The following ITM2B variants were observed in gnomAD, a reference collection of about 807,000 sequenced individuals.
The protein encoded by ITM2B is ABri/ADan amyloid peptide.
ITM2B carries 11 observed loss-of-function variants against 27.8 expected under a neutral mutation model. That is an observed-to-expected ratio of 0.40 (90% CI 0.25 to 0.66). The LOEUF (loss-of-function observed/expected upper bound fraction) is 0.66. Among genes scored for constraint, ITM2B ranks in the 30% least tolerant of loss-of-function variants. The probability of loss-of-function intolerance (pLI) is 0.43; values close to 1 mark genes in which losing one functional copy is unlikely to be tolerated. For synonymous variants in ITM2B, 114 were observed against 114.3 expected, an observed-to-expected ratio of 1.00 and a Z score of 0.02; for missense variants, 296 against 328.9, an observed-to-expected ratio of 0.90 and a Z score of 0.77.
At chr13:48,242,152 G>A (rs187607567) in intron 1 of ITM2B, among the ~76,000 whole-genome samples, 1 of 152,088 alleles carries the variant, frequency 6.6e-6, no homozygotes, top group African/African-American at 2.4e-5. Context: ...TTGATATTTA[G>A]TGTTTTTTAT....
At chr13:48,245,936 C>T (rs1951722241) in intron 1 of ITM2B, among the ~76,000 whole-genome samples, 1 of 151,714 alleles carries the variant, frequency 6.6e-6, no homozygotes, top group Admixed American at 6.6e-5. Flanking sequence ...CTGCCACCAC[C>T]CCTGGCTAAT....
At chr13:48,241,724 A>G (rs1405217765) in intron 1 of ITM2B, among the ~76,000 whole-genome samples, 3 of 152,234 alleles carry the variant, frequency 2.0e-5, no homozygotes, top group Admixed American at 1.3e-4. Context: ...TGAATAGCTT[A>G]ATAGAAGATA....
intron 1 of ITM2B, among the ~76,000 whole-genome samples, chr13:48,238,795 T>G (rs1300412305): frequency 6.6e-6 from 1 of 152,192 alleles, no homozygotes; most frequent in Non-Finnish European, 1.5e-5. Flanking sequence ...TGTGTTTATT[T>G]GAATGATTAA....
At chr13:48,241,513 C>G (rs962519252) in intron 1 of ITM2B, among the ~76,000 whole-genome samples, 3 of 152,158 alleles carry the variant, frequency 2.0e-5, no homozygotes, top group Non-Finnish European at 2.9e-5. Flanking sequence ...ACCTGGCCCT[C>G]CATGTTTCTC....
At chr13:48,254,644 A>G (rs1951775007) in intron 2 of ITM2B, among the ~76,000 whole-genome samples, 1 of 152,154 alleles carries the variant, frequency 6.6e-6, no homozygotes, top group Non-Finnish European at 1.5e-5. Context: ...AGCTGTTTCA[A>G]AATTTGGAGA....
At chr13:48,242,049 A>G (rs1159141277) in intron 1 of ITM2B, among the ~76,000 whole-genome samples, 1 of 152,158 alleles carries the variant, frequency 6.6e-6, no homozygotes, top group African/African-American at 2.4e-5. Context: ...CCTATTGATA[A>G]TAGCTACATG....
At chr13:48,247,208 C>T (rs1165775418) in intron 1 of ITM2B, among the ~76,000 whole-genome samples, 2 of 152,058 alleles carry the variant, frequency 1.3e-5, no homozygotes, top group Non-Finnish European at 2.9e-5. Flanking sequence ...AGCATTATAC[C>T]AGCCAAACAA....
Position 48,262,389 on chromosome 13 carries a change from C to G in ITM2B, c.*1165C>G, listed in dbSNP as rs1951827965. ...GTCAGAGTTTTTAAAGCTTCCAACTCTTAAAGGATTTAGTCTAGAAACCAA... is the reference window on the plus strand; with the variant it reads ...GTCAGAGTTTTTAAAGCTTCCAACTGTTAAAGGATTTAGTCTAGAAACCAA... On this transcript the variant is annotated 3_prime_UTR_variant, in exon 6 of 6. Coordinates refer to ENST00000647800, the MANE Select transcript of ITM2B (RefSeq NM_021999.5). 6.6e-6 allele frequency: 1 copy of G among 152,112 alleles called. No homozygotes were observed. The highest frequency in any genetic ancestry group is 6.6e-5 in the Admixed American group (1 of 15,254). The allele number at this position is 152,112 out of a possible 1,614,324, so 9.4% of individuals were successfully genotyped here.
intron 1 of ITM2B, among the ~76,000 whole-genome samples, chr13:48,233,830 A>C (rs1177392914): frequency 3.9e-5 from 6 of 152,072 alleles, no homozygotes; most frequent in Non-Finnish European, 7.4e-5. Context: ...CAACAACAAC[A>C]ACCGAGTTTG....
chr13:48,258,716 G>T, intron 4 of ITM2B, 81 bp from the exon 5 acceptor site: 1 of 1,303,282 alleles, frequency 7.7e-7, no homozygotes, highest in Non-Finnish European at 1.1e-6. Flanking sequence ...ACCATAATGT[G>T]TAAGAATTTT....
intron 3 of ITM2B, among the ~76,000 whole-genome samples, chr13:48,257,897 T>C (rs1401606711): frequency 6.6e-6 from 1 of 152,220 alleles, no homozygotes; most frequent in Admixed American, 6.5e-5. Flanking sequence ...TTATTACTTA[T>C]TATAGAAATA....
intron 1 of ITM2B, among the ~76,000 whole-genome samples, chr13:48,236,487 C>T (rs1951669340): frequency 6.6e-6 from 1 of 150,888 alleles, no homozygotes; most frequent in South Asian, 2.1e-4. Context: ...AAGGATTCTT[C>T]CAGTTTCAAA....
At chr13:48,239,505 G>A (rs1216034287) in intron 1 of ITM2B, among the ~76,000 whole-genome samples, 5 of 152,310 alleles carry the variant, frequency 3.3e-5, no homozygotes, top group South Asian at 2.1e-4. Context: ...GGTGGCATGC[G>A]CCTGTGATTC....
At position 48,258,948 on chromosome 13, in the gene ITM2B, G is replaced by A; in HGVS notation, c.715+1G>A. 6.2e-7 allele frequency: 1 copy of A among 1,609,466 alleles called. No homozygotes were observed. The highest frequency in any genetic ancestry group is 8.5e-7 in the Non-Finnish European group (1 of 1,176,954). On this transcript the variant is annotated splice_donor_variant, in intron 5 of 5. Coordinates refer to ENST00000647800, the MANE Select transcript of ITM2B (RefSeq NM_021999.5). LOFTEE classifies it high-confidence loss of function. The stretch of plus-strand genomic sequence containing the variant: ...CTGCAACGCAGAGAAACTATTAAAG[G>A]TAATACTTTTTAAATATTAAAGTGT...
Position 48,256,238 on chromosome 13 carries a change from C to T in ITM2B, c.308C>T (p.Pro103Leu). The change falls in exon 3 of 6, where the codon CCC becomes CTC. Residue 103 changes from proline to leucine, a missense_variant. Transcript: ENST00000647800. ...YIKDDVILNE[P>L]SADAPAALYQ... is the part of the protein sequence containing the mutation. ...AAAGATGATGTCATCTTAAATGAGC[C>T]CTCTGCAGATGCCCCAGCTGCTCTC... is the stretch of plus-strand genomic sequence containing the variant. 6.2e-7 allele frequency: 1 copy of T among 1,613,262 alleles called. No homozygotes were observed. Among genetic ancestry groups the T allele is most frequent in the South Asian group, 1.1e-5 (1 of 91,058 alleles).
At position 48,262,051 on chromosome 13, in the gene ITM2B, G is replaced by C. The variant is rs1391984166; in HGVS notation, c.*827G>C. The C allele has an allele frequency of 1.3e-5, 2 of 152,112 alleles. No individual in the cohort carries two copies. Among genetic ancestry groups the C allele is most frequent in the South Asian group, 2.1e-4 (1 of 4,822 alleles). The allele number at this position is 152,112 out of a possible 1,614,324, so 9.4% of individuals were successfully genotyped here. A position where few individuals can be genotyped will look rare whatever the true frequency, so the allele number is the denominator to read the frequency against. ...ATAAGTCATTTTAATAACTAAACCA[G>C]ATTCTTTGTGGATACTATTAAAGTA... On this transcript the variant is annotated 3_prime_UTR_variant, in exon 6 of 6. Coordinates refer to ENST00000647800, the MANE Select transcript of ITM2B (RefSeq NM_021999.5).
intron 1 of ITM2B, among the ~76,000 whole-genome samples, chr13:48,240,197 A>C (rs1323806774): frequency 1.3e-5 from 2 of 152,110 alleles, no homozygotes; most frequent in African/African-American, 4.8e-5. Context: ...GATTTCAGCT[A>C]CTGTTATTTT....
chr13:48,255,527 T>C (rs2137993176), intron 2 of ITM2B, among the ~76,000 whole-genome samples: 1 of 152,258 alleles, frequency 6.6e-6, no homozygotes, highest in Middle Eastern at 3.4e-3. Flanking sequence ...ACTCCTGGGC[T>C]CAAGCAGTCC....
At chr13:48,246,786 A>G (rs1313348766) in intron 1 of ITM2B, among the ~76,000 whole-genome samples, 2 of 152,164 alleles carry the variant, frequency 1.3e-5, no homozygotes, top group African/African-American at 4.8e-5. Flanking sequence ...AAAAAAGATA[A>G]GAGAGAAGTT....
Sources: allele counts gnomAD v4.1 joint callset (sites outside exome capture counted in the v4.1 genomes callset), GRCh38; gene constraint gnomAD v4.1.1; transcripts MANE v1.5; gene names NCBI Gene and HGNC (gene_info 2026-07-23, HGNC 2026-07-21).